CXADR: variants seen among roughly 807,000 people sequenced by gnomAD.
The protein encoded by CXADR is coxsackievirus and adenovirus receptor.
Under a neutral mutation model 40.3 loss-of-function variants are expected in CXADR, and 20 were observed. That is an observed-to-expected ratio of 0.50 (90% CI 0.35 to 0.72). CXADR has a LOEUF of 0.72. Among genes scored for constraint, CXADR ranks in the 30% least tolerant of loss-of-function variants. The probability of loss-of-function intolerance (pLI) is 0.01; values close to 1 mark genes in which losing one functional copy is unlikely to be tolerated. For missense variants in CXADR, 332 were observed against 449.1 expected (o/e 0.74, Z 2.36); for synonymous variants, 150 against 161.3 (o/e 0.93, Z 0.53).
rs1019157398 is a variant in CXADR, at chr21:17,518,580, ATCC to A, written c.43+5414_43+5416del. 5.6e-6 allele frequency: 7 copies of A among 1,252,526 alleles called. No individual in the cohort carries two copies. The African/African-American group carries it at 5.9e-5, about 11-fold the overall frequency. The allele number at this position is 1,252,526 out of a possible 1,614,324, so 77.6% of individuals were successfully genotyped here. A position where few individuals can be genotyped will look rare whatever the true frequency, so the allele number is the denominator to read the frequency against. ...TTTCTACAAGATCGGGAACATCATCATCCTCCTCATCAGTGTCTTCTGGTTTTG... is the reference window on the plus strand; with the variant it reads ...TTTCTACAAGATCGGGAACATCATCATCCTCATCAGTGTCTTCTGGTTTTG... On this transcript the variant is annotated intron_variant, in intron 1 of 6. Coordinates refer to ENST00000284878, the MANE Select transcript of CXADR (RefSeq NM_001338.5).
chr21:17,561,254 C>A lies in CXADR; in HGVS notation c.695-84C>A, dbSNP rs2061115642. 5.0e-6 allele frequency: 4 copies of A among 798,350 alleles called. No individual in the cohort carries two copies. The Admixed American group carries it at 1.1e-4, about 22-fold the overall frequency. 49.5% of individuals were successfully genotyped at this position (798,350 alleles called of 1,614,324 possible). A position where few individuals can be genotyped will look rare whatever the true frequency, so the allele number is the denominator to read the frequency against. On this transcript the variant is annotated intron_variant, in intron 5 of 6. Transcript: ENST00000284878. Reference sequence around the variant, plus strand: ...TCTTAAAGTTAACACGTGATGAAATCAATCTAAAAATGTATAGCCTACCTT... The same window carrying A: ...TCTTAAAGTTAACACGTGATGAAATAAATCTAAAAATGTATAGCCTACCTT...
intron 7 of CXADR, among the ~76,000 whole-genome samples, chr21:17,579,967 G>A (rs1218962862): frequency 6.6e-6 from 1 of 151,944 alleles, no homozygotes; most frequent in Non-Finnish European, 1.5e-5. Flanking sequence ...GACATGAAGA[G>A]GTGATGGACT....
rs761996923 is a variant in CXADR, at chr21:17,567,150, C to T, written c.*1458C>T. 390 of 984,514 alleles carry T rather than the reference C, an allele frequency of 4.0e-4. 9 individuals are homozygous for T. The highest frequency in any genetic ancestry group is 3.4e-4 in the Non-Finnish European group (280 of 829,294). 61.0% of individuals were successfully genotyped at this position (984,514 alleles called of 1,614,324 possible). A position where few individuals can be genotyped will look rare whatever the true frequency, so the allele number is the denominator to read the frequency against. On this transcript the variant is annotated 3_prime_UTR_variant, in exon 7 of 7. Transcript: ENST00000284878. ...ATACGGTCTGCAATAAATTATTTCA[C>T]TAGCTCTAAAACCTTTCCCTAGATT... is the stretch of plus-strand genomic sequence containing the variant.
chr21:17,608,460 T>C, the CXADR span, among the ~76,000 whole-genome samples: 2 of 151,816 alleles, frequency 1.3e-5, no homozygotes, highest in Non-Finnish European at 2.9e-5. Flanking sequence ...ATCTAGAAAA[T>C]AGTTACACTG....
the CXADR span, among the ~76,000 whole-genome samples, chr21:17,621,531 A>G: frequency 6.6e-6 from 1 of 152,348 alleles, no homozygotes; most frequent in East Asian, 1.9e-4. Flanking sequence ...TGACCCCTGC[A>G]AAATTCAGGT....
At chr21:17,579,349 G>A (rs1423269027) in intron 7 of CXADR, among the ~76,000 whole-genome samples, 2 of 151,342 alleles carry the variant, frequency 1.3e-5, no homozygotes, top group East Asian at 2.0e-4. Flanking sequence ...CAGTGGTGCA[G>A]TCTTGGCTCA....
chr21:17,592,619 C>A (rs1000802960), intron 7 of CXADR, among the ~76,000 whole-genome samples: 23 of 151,756 alleles, frequency 1.5e-4, no homozygotes, highest in African/African-American at 5.3e-4. Context: ...TGTGATGACT[C>A]TGAAAGTAAT....
the CXADR span, chr21:17,598,655 G>T: frequency 3.1e-6 from 5 of 1,614,098 alleles, no homozygotes; most frequent in Non-Finnish European, 4.2e-6. Context: ...ACCGAACTGG[G>T]TTTCACTTCC....
In CXADR at chr21:17,568,085, T is replaced by G. The variant is rs2061234631; in HGVS notation, c.*2393T>G. ...ATCAAGTAGTTGAACAAAAAATTAC[T>G]AAAGCATTTCCGTTAGATCAGTCAA... On this transcript the variant is annotated 3_prime_UTR_variant, in exon 7 of 7. Transcript: ENST00000284878. 1 of 926,532 alleles carries G rather than the reference T, an allele frequency of 1.1e-6. No homozygotes were observed. The highest frequency in any genetic ancestry group is 1.8e-5 in the African/African-American group (1 of 55,268). The allele number at this position is 926,532 out of a possible 1,614,324, so 57.4% of individuals were successfully genotyped here.
chr21:17,601,432 G>A, the CXADR span, among the ~76,000 whole-genome samples: 1 of 152,110 alleles, frequency 6.6e-6, no homozygotes. Flanking sequence ...GTCAAGGCAG[G>A]AAGATTGCTT....
chr21:17,543,789 T>C (rs1240903300), intron 1 of CXADR, among the ~76,000 whole-genome samples: 2 of 152,180 alleles, frequency 1.3e-5, no homozygotes, highest in Non-Finnish European at 2.9e-5. Flanking sequence ...AATGATTTAA[T>C]AGTAAATCAG....
chr21:17,528,064 CTTTCTT>C (rs1301382745), intron 1 of CXADR, among the ~76,000 whole-genome samples: 23 of 74,966 alleles, frequency 3.1e-4, no homozygotes, highest in Non-Finnish European at 8.4e-5. Context: ...ATGCTTAGTT[CTTTCTT>C]TTTTTTTTTT....
chr21:17,628,612 T>C, the CXADR span, among the ~76,000 whole-genome samples: 1 of 152,182 alleles, frequency 6.6e-6, no homozygotes, highest in Admixed American at 6.5e-5. Flanking sequence ...GCGATTTTCC[T>C]GTCTTAGCCT....
chr21:17,607,965 G>C, the CXADR span, among the ~76,000 whole-genome samples: 7,955 of 152,308 alleles, frequency 0.052, 290 homozygotes, highest in Middle Eastern at 0.12. Flanking sequence ...GAGTACAAAA[G>C]ACAGCTCCAA....
chr21:17,631,890 C>T, the CXADR span, among the ~76,000 whole-genome samples: 25 of 152,190 alleles, frequency 1.6e-4, no homozygotes, highest in Non-Finnish European at 1.3e-4. Flanking sequence ...CGGCTCACTG[C>T]ACCCTCTATC....
the CXADR span, among the ~76,000 whole-genome samples, chr21:17,606,582 A>C: frequency 2.6e-5 from 4 of 152,134 alleles, no homozygotes; most frequent in Admixed American, 2.6e-4. Flanking sequence ...TCTACAATTA[A>C]GGTGATACAG....
intron 1 of CXADR, among the ~76,000 whole-genome samples, chr21:17,544,304 T>A (rs2060866543): frequency 6.6e-6 from 1 of 152,194 alleles, no homozygotes; most frequent in South Asian, 2.1e-4. Flanking sequence ...AAATACCAAA[T>A]CATATCATTT....
At chr21:17,608,898 A>G in the CXADR span, 1 of 1,435,176 alleles carries the variant, frequency 7.0e-7, no homozygotes, top group African/African-American at 1.4e-5. Flanking sequence ...TGGTCTGCAC[A>G]CCCTTCAATC....
the CXADR span, among the ~76,000 whole-genome samples, chr21:17,602,380 G>A: frequency 6.6e-6 from 1 of 152,070 alleles, no homozygotes; most frequent in Admixed American, 6.6e-5. Context: ...TACAATCTTA[G>A]TCTCTAGTAT....
Sources: allele counts gnomAD v4.1 joint callset (sites outside exome capture counted in the v4.1 genomes callset), GRCh38; gene constraint gnomAD v4.1.1; transcripts MANE v1.5; gene names NCBI Gene and HGNC (gene_info 2026-07-23, HGNC 2026-07-21).